Variants in ASTN1 observed in about 807,000 individuals in gnomAD.
The protein encoded by ASTN1 is astrotactin-1.
Under a neutral mutation model 140.7 loss-of-function variants are expected in ASTN1, and 41 were observed. The ratio of observed to expected loss-of-function variants is 0.29; its 90% CI spans 0.23 to 0.38. The LOEUF is 0.38. Among genes scored for constraint, ASTN1 ranks in the 10% least tolerant of loss-of-function variants. The probability of loss-of-function intolerance (pLI) is 1.00; values close to 1 mark genes in which losing one functional copy is unlikely to be tolerated. For missense variants in ASTN1, 1,479 were observed against 1,678.8 expected, an observed-to-expected ratio of 0.88 and a Z score of 2.08; for synonymous variants, 640 against 652.2, an observed-to-expected ratio of 0.98 and a Z score of 0.29.
chr1:177,096,721 C>T lies in ASTN1; in HGVS notation c.284-35456G>A, dbSNP rs116192494. On this transcript the variant is annotated intron_variant, in intron 1 of 22. Transcript: ENST00000361833. ...CCCTCTTGCCTGCTGCCATGTAAGACGTGCCTTTACTCCTCCTCCTTCACC... is the reference window on the plus strand; with the variant it reads ...CCCTCTTGCCTGCTGCCATGTAAGATGTGCCTTTACTCCTCCTCCTTCACC... Among the ~76,000 whole-genome samples the T allele has an allele frequency of 8.9e-3, 1,355 of 152,212 alleles. 21 individuals are homozygous for T. Among genetic ancestry groups the T allele is most frequent in the African/African-American group, 0.031 (1,287 of 41,524 alleles).
At chr1:177,057,046 T>G (rs1677841014) in intron 2 of ASTN1, among the ~76,000 whole-genome samples, 1 of 152,220 alleles carries the variant, frequency 6.6e-6, no homozygotes, top group Non-Finnish European at 1.5e-5. Context: ...AATAAATCTC[T>G]TCAGCCAAGT....
At chr1:177,129,407 A>T (rs1263596678) in intron 1 of ASTN1, among the ~76,000 whole-genome samples, 2 of 152,156 alleles carry the variant, frequency 1.3e-5, no homozygotes, top group Non-Finnish European at 2.9e-5. Context: ...GTCGCAAGGA[A>T]CCCACCAAGC....
intron 1 of ASTN1, among the ~76,000 whole-genome samples, chr1:177,164,164 G>A (rs1356873191): frequency 6.6e-6 from 1 of 152,124 alleles, no homozygotes; most frequent in East Asian, 1.9e-4. Flanking sequence ...TTTGAGGCAG[G>A]GCAGCTGAGA....
intron 2 of ASTN1, among the ~76,000 whole-genome samples, chr1:177,060,193 G>A (rs1330029104): frequency 6.6e-6 from 1 of 152,168 alleles, no homozygotes; most frequent in Non-Finnish European, 1.5e-5. Context: ...TAGAATACAA[G>A]TTCCTACAAT....
intron 11 of ASTN1, among the ~76,000 whole-genome samples, chr1:176,955,813 G>T (rs979302046): frequency 6.6e-6 from 1 of 152,224 alleles, no homozygotes; most frequent in African/African-American, 2.4e-5. Flanking sequence ...CCCTGTGTTT[G>T]TCTGCTAATG....
At chr1:177,023,657 GA>G (rs1675946871) in intron 6 of ASTN1, 86 bp from the exon 7 acceptor site, 11 of 1,355,748 alleles carry the variant, frequency 8.1e-6, no homozygotes, top group Non-Finnish European at 1.1e-5. Context: ...ATCCCAACCT[GA>G]GAATTAGTAC....
At chr1:176,967,310 T>C (rs1221176888) in intron 8 of ASTN1, among the ~76,000 whole-genome samples, 1 of 152,180 alleles carries the variant, frequency 6.6e-6, no homozygotes, top group Admixed American at 6.5e-5. Flanking sequence ...ATCTGATTCT[T>C]TTTTGCTGAA....
chr1:177,069,306 C>A (rs1394398249), intron 1 of ASTN1, among the ~76,000 whole-genome samples: 1 of 152,104 alleles, frequency 6.6e-6, no homozygotes, highest in African/African-American at 2.4e-5. Flanking sequence ...TCAGTGGCTC[C>A]CCGCTTTGTA....
intron 1 of ASTN1, among the ~76,000 whole-genome samples, chr1:177,079,337 T>A (rs1303672231): frequency 1.3e-5 from 2 of 152,140 alleles, no homozygotes; most frequent in Non-Finnish European, 2.9e-5. Flanking sequence ...GTTTGTGGAA[T>A]CAGAAAGGCC....
At chr1:176,922,443 G>C (rs1383576854) in intron 16 of ASTN1, among the ~76,000 whole-genome samples, 1 of 151,012 alleles carries the variant, frequency 6.6e-6, no homozygotes, top group Non-Finnish European at 1.5e-5. Context: ...TTATCAAAAA[G>C]CTTCCCCAGG....
At chr1:177,075,815 A>T (rs1171397599) in intron 1 of ASTN1, among the ~76,000 whole-genome samples, 12 of 150,896 alleles carry the variant, frequency 8.0e-5, no homozygotes, top group Non-Finnish European at 1.5e-5. Flanking sequence ...CCTAGTTTTC[A>T]TTTCTTTGTA....
intron 2 of ASTN1, among the ~76,000 whole-genome samples, chr1:177,036,347 G>A (rs1198887807): frequency 2.6e-5 from 4 of 151,776 alleles, no homozygotes; most frequent in African/African-American, 9.7e-5. Context: ...GTGCCCGGCC[G>A]ACCTCAGCTT....
chr1:176,948,766 A>C (rs945192286), intron 12 of ASTN1, among the ~76,000 whole-genome samples: 1 of 141,972 alleles, frequency 7.0e-6, no homozygotes, highest in Non-Finnish European at 1.6e-5. Context: ...TCCAAAGACC[A>C]CCCCCCTTTT....
chr1:176,882,955 G>A lies in ASTN1; in HGVS notation c.3266C>T (p.Ala1089Val). The A allele has an allele frequency of 1.9e-6, 3 of 1,614,126 alleles. No homozygotes were observed. Among genetic ancestry groups the A allele is most frequent in the Non-Finnish European group, 2.5e-6 (3 of 1,180,010 alleles). Residue 1089 changes from alanine to valine, a missense_variant, in exon 20 of 23, where the codon GCA (alanine) becomes GTA (valine). This residue lies in a region of ASTN1 where 746 missense variants were observed against 800.9 expected (regional missense o/e 0.93). Coordinates refer to ENST00000361833, the MANE Select transcript of ASTN1 (RefSeq NM_004319.3). ...LSFVDDIISGAKSPCAMPSQV... is the reference protein window; with the variant it reads ...LSFVDDIISGVKSPCAMPSQV... Reference sequence around the variant, plus strand: ...AGATGGCATTGCACAAGGAGACTTTGCTCCAGAGATGATGTCGTCCACAAA... The same window carrying A: ...AGATGGCATTGCACAAGGAGACTTTACTCCAGAGATGATGTCGTCCACAAA...
chr1:176,911,305 T>C (rs1018692748), intron 16 of ASTN1, among the ~76,000 whole-genome samples: 3 of 152,272 alleles, frequency 2.0e-5, no homozygotes, highest in East Asian at 1.9e-4. Context: ...CTGCAGACTT[T>C]AGAAACACTG....
chr1:177,147,932 T>A (rs957765312), intron 1 of ASTN1, among the ~76,000 whole-genome samples: 2 of 152,156 alleles, frequency 1.3e-5, no homozygotes, highest in Admixed American at 1.3e-4. Context: ...ATGGAAGGGA[T>A]GCCTGAACTG....
At chr1:177,042,691 T>G (rs1359936809) in intron 2 of ASTN1, among the ~76,000 whole-genome samples, 2 of 152,258 alleles carry the variant, frequency 1.3e-5, no homozygotes, top group Non-Finnish European at 2.9e-5. Flanking sequence ...TAATTTCCAT[T>G]TTTAGAAAGT....
At chr1:176,900,552 C>T (rs749565110) in intron 16 of ASTN1, among the ~76,000 whole-genome samples, 6 of 152,312 alleles carry the variant, frequency 3.9e-5, no homozygotes, top group Non-Finnish European at 5.9e-5. Context: ...TCCATGCCCA[C>T]GGCCACTCAA....
intron 17 of ASTN1, among the ~76,000 whole-genome samples, chr1:176,891,151 A>G (rs1669246680): frequency 6.6e-6 from 1 of 152,262 alleles, no homozygotes; most frequent in South Asian, 2.1e-4. Context: ...ATTTGGAAAG[A>G]AAAAGAAAGG....
Sources: allele counts gnomAD v4.1 joint callset (sites outside exome capture counted in the v4.1 genomes callset), GRCh38; gene constraint gnomAD v4.1.1; regional missense constraint gnomAD v4.1.1; transcripts MANE v1.5; gene names NCBI Gene and HGNC (gene_info 2026-07-23, HGNC 2026-07-21).